Variants in ANO4 observed in about 807,000 individuals in gnomAD.
ANO4 encodes anoctamin 4.
Under a neutral mutation model 141.9 loss-of-function variants are expected in ANO4, and 69 were observed. That is an observed-to-expected ratio of 0.49 (90% CI 0.40 to 0.59). The LOEUF (loss-of-function observed/expected upper bound fraction) is 0.59. Among genes scored for constraint, ANO4 ranks in the 20% least tolerant of loss-of-function variants. The probability of loss-of-function intolerance (pLI) is 0.00; values close to 1 mark genes in which losing one functional copy is unlikely to be tolerated. For missense variants in ANO4, 894 were observed against 1,162.2 expected (o/e 0.77, Z 3.36); for synonymous variants, 350 against 394.3 (o/e 0.89, Z 1.33).
At chr12:101,116,416 A>G in intron 24 of ANO4, among the ~76,000 whole-genome samples, 1 of 152,166 alleles carries the variant, frequency 6.6e-6, no homozygotes, top group East Asian at 1.9e-4. Flanking sequence ...CTTTTTACCT[A>G]TTTCACTGAA....
chr12:100,840,931 T>G (rs2037212026), intron 1 of ANO4, among the ~76,000 whole-genome samples: 1 of 152,140 alleles, frequency 6.6e-6, no homozygotes, highest in Admixed American at 6.6e-5. Context: ...GATCATGTTG[T>G]TTTTGAGTTA....
At position 101,096,655 on chromosome 12, in the gene ANO4, C is replaced by T. The variant is rs1263571719; in HGVS notation, c.1850+8C>T. ...CGCATTCTTCCTCGGAAGGTAAGAACCTGACCCCTGCACACCTCCCCAAGC... is the reference window on the plus strand; with the variant it reads ...CGCATTCTTCCTCGGAAGGTAAGAATCTGACCCCTGCACACCTCCCCAAGC... On this transcript the variant is annotated splice_region_variant and intron_variant, in intron 19 of 27. Transcript: ENST00000392977. The T allele has an allele frequency of 6.2e-7, 1 of 1,603,388 alleles. No homozygotes were observed. The highest frequency in any genetic ancestry group is 1.1e-5 in the South Asian group (1 of 90,890).
chr12:100,869,773 A>C (rs2038943207), intron 1 of ANO4, among the ~76,000 whole-genome samples: 1 of 152,066 alleles, frequency 6.6e-6, no homozygotes, highest in Non-Finnish European at 1.5e-5. Context: ...CCTTTTGTAC[A>C]CCTTCTAAGG....
chr12:100,826,640 T>C (rs1216426942), intron 1 of ANO4, among the ~76,000 whole-genome samples: 2 of 152,054 alleles, frequency 1.3e-5, no homozygotes, highest in African/African-American at 4.8e-5. Flanking sequence ...ACACTGTGCT[T>C]GAATTGTAAA....
chr12:101,037,246 C>T, intron 10 of ANO4, 96 bp downstream of exon 10: 1 of 1,327,924 alleles, frequency 7.5e-7, no homozygotes. Context: ...TTGACATTTG[C>T]TCAGAATGAA....
rs531389558 is a variant in ANO4, at chr12:100,795,868, C to T, written c.-141+841C>T. 3.9e-5 allele frequency among the ~76,000 whole-genome samples: 6 copies of T among 152,204 alleles called. No homozygotes were observed. The South Asian group carries it at 8.3e-4, about 21-fold the overall frequency. On this transcript the variant is annotated intron_variant, in intron 1 of 27. Transcript: ENST00000392977. ...TGTGGCAGATTGTTTATTCCAGGGA[C>T]ATTACTCTTACAATAGTGCTCTAAT...
chr12:100,965,817 C>T (rs939589474), intron 5 of ANO4, among the ~76,000 whole-genome samples: 1 of 152,018 alleles, frequency 6.6e-6, no homozygotes, highest in African/African-American at 2.4e-5. Flanking sequence ...CAGTTCTTTT[C>T]TGCCACAGAA....
At chr12:100,920,071 G>A (rs936602507) in intron 2 of ANO4, among the ~76,000 whole-genome samples, 1 of 151,566 alleles carries the variant, frequency 6.6e-6, no homozygotes, top group African/African-American at 2.4e-5. Context: ...AAATAAATTG[G>A]GCTTCTATTT....
At chr12:100,742,133 A>G (rs985276888) in intron 3 of ANO4, among the ~76,000 whole-genome samples, 4 of 152,168 alleles carry the variant, frequency 2.6e-5, no homozygotes, top group Admixed American at 2.0e-4. Flanking sequence ...TATTCTTACT[A>G]TTAGTATCCT....
At position 100,731,356 on chromosome 12, in the gene ANO4, AT is replaced by A. The variant is rs990400855; in HGVS notation, c.23-2411del. ...TTAAAATCACTTATACCCTATGTTA[AT>A]TTTTTTACAGCAGTTTTAGGTTCAT... On this transcript the variant is annotated intron_variant, in intron 1 of 29. Coordinates refer to the ANO4 transcript ENST00000644049. 5.9e-5 allele frequency among the ~76,000 whole-genome samples: 9 copies of A among 152,190 alleles called. 1 individual carries two copies. In the South Asian group the frequency reaches 1.9e-3, roughly 32 times the overall value.
intron 3 of ANO4, among the ~76,000 whole-genome samples, chr12:100,937,665 T>A (rs2042341043): frequency 6.6e-6 from 1 of 152,190 alleles, no homozygotes; most frequent in South Asian, 2.1e-4. Context: ...ACTACAAGCT[T>A]AGTGGCCTCA....
intron 5 of ANO4, among the ~76,000 whole-genome samples, chr12:100,963,370 C>A (rs1337745368): frequency 6.6e-6 from 1 of 152,094 alleles, no homozygotes; most frequent in Non-Finnish European, 1.5e-5. Flanking sequence ...GGCAATTTCA[C>A]ACACACCAAT....
At chr12:100,859,525 T>C (rs1355498097) in intron 1 of ANO4, among the ~76,000 whole-genome samples, 1 of 152,160 alleles carries the variant, frequency 6.6e-6, no homozygotes, top group Non-Finnish European at 1.5e-5. Flanking sequence ...AGTTTTAGCA[T>C]GTATAATCTC....
chr12:100,773,821 C>G (rs774870373), intron 3 of ANO4, among the ~76,000 whole-genome samples: 1 of 152,250 alleles, frequency 6.6e-6, no homozygotes, highest in Non-Finnish European at 1.5e-5. Context: ...AAAATAACCT[C>G]TATTGTGATG....
intron 1 of ANO4, among the ~76,000 whole-genome samples, chr12:100,839,894 C>A (rs546943353): frequency 1.3e-5 from 2 of 152,092 alleles, no homozygotes; most frequent in African/African-American, 4.8e-5. Context: ...TAATGTCTTA[C>A]ACACATAATC....
At chr12:100,870,634 A>G (rs1180572930) in intron 1 of ANO4, among the ~76,000 whole-genome samples, 2 of 151,988 alleles carry the variant, frequency 1.3e-5, no homozygotes. Context: ...GATTGCTTTC[A>G]TTTAAATTTT....
chr12:101,116,872 C>T (rs1809642502), intron 25 of ANO4, 74 bp downstream of exon 25: 2 of 1,592,474 alleles, frequency 1.3e-6, no homozygotes, highest in Middle Eastern at 4.0e-4. Context: ...CTCTGAAGGC[C>T]CCTTCTGGCT....
intron 1 of ANO4, among the ~76,000 whole-genome samples, chr12:100,723,574 T>C (rs1231123493): frequency 6.6e-6 from 1 of 152,192 alleles, no homozygotes; most frequent in Non-Finnish European, 1.5e-5. Context: ...TATTAACTTT[T>C]TTCGTAAACC....
intron 1 of ANO4, among the ~76,000 whole-genome samples, chr12:100,814,002 T>C (rs1344087318): frequency 1.3e-5 from 2 of 152,154 alleles, no homozygotes; most frequent in Non-Finnish European, 2.9e-5. Context: ...CCTCTAGCTC[T>C]TGCATCGACC....
Sources: gnomAD v4.1 joint callset for allele counts (sites outside exome capture counted in the v4.1 genomes callset) on GRCh38, gnomAD v4.1.1 for gene constraint, MANE v1.5 for transcripts, NCBI Gene and HGNC (gene_info 2026-07-23, HGNC 2026-07-21) for gene names.